The following LIN52 variants were observed in gnomAD, a reference collection of about 807,000 sequenced individuals.
The protein encoded by LIN52 is protein lin-52 homolog.
A neutral mutation model predicts 18.5 loss-of-function variants in LIN52; 4 were observed. The observed-to-expected ratio is 0.22, with a 90% confidence interval of 0.11 to 0.49. The LOEUF (loss-of-function observed/expected upper bound fraction) is 0.49. Among genes scored for constraint, LIN52 ranks in the 20% least tolerant of loss-of-function variants. LIN52 has a pLI of 0.97. For synonymous variants in LIN52, 34 were observed against 45.5 expected (o/e 0.75, Z 1.02); for missense variants, 102 against 139.5 (o/e 0.73, Z 1.35).
At chr14:74,156,259 C>T (rs999221438) in intron 5 of LIN52, among the ~76,000 whole-genome samples, 2 of 152,160 alleles carry the variant, frequency 1.3e-5, no homozygotes, top group African/African-American at 4.8e-5. Flanking sequence ...AAACAAACAT[C>T]AAGCCTTAAA....
intron 5 of LIN52, among the ~76,000 whole-genome samples, chr14:74,129,284 T>A (rs1022589096): frequency 3.9e-5 from 6 of 152,166 alleles, no homozygotes; most frequent in African/African-American, 1.2e-4. Flanking sequence ...TATATTTAAA[T>A]CTCAATGCCA....
chr14:74,165,360 G>T (rs770921489), intron 5 of LIN52, among the ~76,000 whole-genome samples: 8 of 151,954 alleles, frequency 5.3e-5, no homozygotes, highest in Non-Finnish European at 1.2e-4. Flanking sequence ...AGCAATACAG[G>T]CACTTTTTTT....
intron 5 of LIN52, among the ~76,000 whole-genome samples, chr14:74,173,598 A>G (rs979010460): frequency 1.4e-4 from 22 of 152,172 alleles, no homozygotes; most frequent in Admixed American, 1.4e-3. Flanking sequence ...CATTCATCTA[A>G]TCTACTTATT....
intron 5 of LIN52, among the ~76,000 whole-genome samples, chr14:74,122,628 G>A (rs1315837329): frequency 1.3e-5 from 2 of 152,162 alleles, no homozygotes; most frequent in African/African-American, 4.8e-5. Flanking sequence ...TACTTTGGGA[G>A]GCCAAGATGG....
chr14:74,171,355 A>G (rs1299131566), intron 5 of LIN52, among the ~76,000 whole-genome samples: 1 of 150,960 alleles, frequency 6.6e-6, no homozygotes, highest in African/African-American at 2.4e-5. Flanking sequence ...ACAGAGTGAG[A>G]GCCTGTCTAA....
intron 5 of LIN52, among the ~76,000 whole-genome samples, chr14:74,147,356 TAA>T (rs1218846788): frequency 1.3e-5 from 2 of 152,196 alleles, no homozygotes; most frequent in African/African-American, 2.4e-5. Context: ...ATCATGGACC[TAA>T]ATATAAGAGC....
At chr14:74,139,840 T>A (rs911921260) in intron 5 of LIN52, among the ~76,000 whole-genome samples, 1 of 152,220 alleles carries the variant, frequency 6.6e-6, no homozygotes, top group African/African-American at 2.4e-5. Context: ...TCACATAGGC[T>A]TGATTATAAT....
intron 5 of LIN52, among the ~76,000 whole-genome samples, chr14:74,102,748 G>C (rs897468900): frequency 3.9e-5 from 6 of 152,160 alleles, no homozygotes; most frequent in Non-Finnish European, 8.8e-5. Context: ...ATATCAAGAA[G>C]ATGCTATATT....
In LIN52 at chr14:74,199,472, C is replaced by T. The variant is rs2044778590; in HGVS notation, c.*495C>T. 2 of 152,686 alleles carry T rather than the reference C, an allele frequency of 1.3e-5. No individual in the cohort carries two copies. Among genetic ancestry groups the T allele is most frequent in the South Asian group, 4.1e-4 (2 of 4,836 alleles). The allele number at this position is 152,686 out of a possible 1,614,324, so 9.5% of individuals were successfully genotyped here. Reference sequence around the variant, plus strand: ...CATGCAGCCTGACCTGTGAACTCTCCAGTATATACTAAGTTCCCAGAATCC... The same window carrying T: ...CATGCAGCCTGACCTGTGAACTCTCTAGTATATACTAAGTTCCCAGAATCC... On this transcript the variant is annotated 3_prime_UTR_variant, in exon 6 of 6. Coordinates refer to ENST00000555028, the MANE Select transcript of LIN52 (RefSeq NM_001024674.3).
At chr14:74,183,103 C>CTCTCT (rs1172014794) in intron 5 of LIN52, among the ~76,000 whole-genome samples, 3 of 77,312 alleles carry the variant, frequency 3.9e-5, no homozygotes, top group Non-Finnish European at 9.5e-5. Flanking sequence ...CTCTCTCTCT[C>CTCTCT]TTTTTTTTTT....
intron 5 of LIN52, among the ~76,000 whole-genome samples, chr14:74,147,203 A>AC (rs1167809022): frequency 6.6e-6 from 1 of 152,186 alleles, no homozygotes. Flanking sequence ...GGTTGCAGTG[A>AC]CCCGAGATCG....
intron 3 of LIN52, among the ~76,000 whole-genome samples, chr14:74,096,268 C>T (rs1214580050): frequency 6.6e-6 from 1 of 152,072 alleles, no homozygotes. Context: ...CCATCTTGGT[C>T]AGGCTGGTCT....
chr14:74,110,393 A>G (rs1360783502), intron 5 of LIN52, among the ~76,000 whole-genome samples: 1 of 152,192 alleles, frequency 6.6e-6, no homozygotes, highest in Non-Finnish European at 1.5e-5. Context: ...AAAGAAAAAG[A>G]TTAAGGCCAG....
chr14:74,172,614 A>G (rs2061276585), intron 5 of LIN52, among the ~76,000 whole-genome samples: 1 of 152,208 alleles, frequency 6.6e-6, no homozygotes, highest in Non-Finnish European at 1.5e-5. Flanking sequence ...TGAGCAGGTT[A>G]TGTGATGTGA....
chr14:74,112,388 A>T (rs186932345), intron 5 of LIN52, among the ~76,000 whole-genome samples: 68 of 151,874 alleles, frequency 4.5e-4, no homozygotes, highest in African/African-American at 1.6e-3. Context: ...GCTCACTGCA[A>T]CCTCTGCCTC....
chr14:74,133,999 A>G (rs2061083187), intron 5 of LIN52, among the ~76,000 whole-genome samples: 1 of 152,316 alleles, frequency 6.6e-6, no homozygotes, highest in East Asian at 1.9e-4. Context: ...CATGACCTCA[A>G]CTTTTCATCA....
chr14:74,184,559 C>T (rs201302792), intron 5 of LIN52, among the ~76,000 whole-genome samples: 1 of 152,298 alleles, frequency 6.6e-6, no homozygotes, highest in East Asian at 1.9e-4. Flanking sequence ...TGACATCTGT[C>T]TGTTCCAGTT....
At chr14:74,138,769 C>CAAA (rs35627946) in intron 5 of LIN52, among the ~76,000 whole-genome samples, 13 of 113,854 alleles carry the variant, frequency 1.1e-4, no homozygotes, top group African/African-American at 2.3e-4. Context: ...GACCCTGCCT[C>CAAA]AAAAAAAAAA....
At chr14:74,185,523 C>T (rs1444230236) in intron 5 of LIN52, among the ~76,000 whole-genome samples, 1 of 151,744 alleles carries the variant, frequency 6.6e-6, no homozygotes, top group East Asian at 1.9e-4. Flanking sequence ...CCATGTTAGC[C>T]CGGATGGTCT....
Sources: allele counts gnomAD v4.1 joint callset (sites outside exome capture counted in the v4.1 genomes callset), GRCh38; gene constraint gnomAD v4.1.1; transcripts MANE v1.5; gene names NCBI Gene and HGNC (gene_info 2026-07-23, HGNC 2026-07-21).